Variants in ADGRL2 observed in about 807,000 individuals in gnomAD.
ADGRL2 encodes calcium-independent alpha-latrotoxin receptor 2.
In ADGRL2, 44 loss-of-function variants were observed where a neutral mutation model predicts 157.4. The observed-to-expected ratio is 0.28, with a 90% confidence interval of 0.22 to 0.36. The LOEUF is 0.36. Among genes scored for constraint, ADGRL2 ranks in the 10% least tolerant of loss-of-function variants. The pLI is 1.00. For synonymous variants in ADGRL2, 585 were observed against 624.7 expected, an observed-to-expected ratio of 0.94 and a Z score of 0.95; for missense variants, 1,510 against 1,768.9, an observed-to-expected ratio of 0.85 and a Z score of 2.63.
At chr1:81,648,387 G>A (rs2082352839) in intron 3 of ADGRL2, among the ~76,000 whole-genome samples, 1 of 152,178 alleles carries the variant, frequency 6.6e-6, no homozygotes, top group South Asian at 2.1e-4. Flanking sequence ...GCTCCGGTGT[G>A]CTGCCTTCTG....
chr1:81,958,192 G>A (rs911569725), intron 11 of ADGRL2, among the ~76,000 whole-genome samples: 4 of 152,058 alleles, frequency 2.6e-5, no homozygotes, highest in African/African-American at 9.7e-5. Flanking sequence ...GGGAGGCAGA[G>A]CTTGCAGTGA....
chr1:81,363,699 G>T (rs1443217716), intron 1 of ADGRL2, among the ~76,000 whole-genome samples: 2 of 152,064 alleles, frequency 1.3e-5, no homozygotes, highest in Non-Finnish European at 2.9e-5. Context: ...CATCATAAAA[G>T]ATTGTGTTTT....
chr1:81,983,180 G>A (rs551667944), intron 19 of ADGRL2, among the ~76,000 whole-genome samples: 7 of 151,910 alleles, frequency 4.6e-5, no homozygotes, highest in Non-Finnish European at 7.4e-5. Flanking sequence ...TGTATTAAAT[G>A]GAACAGGAGA....
intron 2 of ADGRL2, among the ~76,000 whole-genome samples, chr1:81,472,528 G>T (rs1034003663): frequency 2.2e-4 from 33 of 152,244 alleles, no homozygotes; most frequent in African/African-American, 7.7e-4. Context: ...CTACTCAGGA[G>T]TCTGAGGCAA....
At chr1:81,706,304 G>A (rs149066462) in intron 1 of ADGRL2, among the ~76,000 whole-genome samples, 152 of 152,256 alleles carry the variant, frequency 1.0e-3, no homozygotes, top group African/African-American at 3.3e-3. Context: ...AAATTGACAG[G>A]GTTTTGCATA....
intron 1 of ADGRL2, among the ~76,000 whole-genome samples, chr1:81,391,783 T>C (rs10747384): frequency 0.59 from 89,063 of 151,968 alleles, 26,589 homozygotes; most frequent in East Asian, 0.94. Context: ...TTCTGGCTTT[T>C]TTTTCTGGAA....
chr1:81,402,101 T>C (rs932241509), intron 1 of ADGRL2, among the ~76,000 whole-genome samples: 3 of 152,112 alleles, frequency 2.0e-5, no homozygotes, highest in African/African-American at 7.2e-5. Context: ...AGCAAATTAG[T>C]CTGTCTTCCT....
intron 2 of ADGRL2, among the ~76,000 whole-genome samples, chr1:81,762,765 A>C (rs2085930587): frequency 6.6e-6 from 1 of 152,120 alleles, no homozygotes; most frequent in Non-Finnish European, 1.5e-5. Flanking sequence ...GAAAAAAGAC[A>C]CAAAAGGCCA....
chr1:81,757,626 A>C (rs180793036), intron 1 of ADGRL2, among the ~76,000 whole-genome samples: 16 of 152,298 alleles, frequency 1.1e-4, no homozygotes, highest in Middle Eastern at 3.4e-3. Flanking sequence ...ACGTGGCTAC[A>C]CTGGAGTCTC....
intron 1 of ADGRL2, among the ~76,000 whole-genome samples, chr1:81,338,374 C>T (rs1322046596): frequency 3.3e-5 from 5 of 151,766 alleles, no homozygotes; most frequent in African/African-American, 1.2e-4. Flanking sequence ...AAAAACAAAA[C>T]AAAACAAAAC....
chr1:81,853,294 G>A (rs2093082393), intron 2 of ADGRL2, among the ~76,000 whole-genome samples: 1 of 152,124 alleles, frequency 6.6e-6, no homozygotes, highest in African/African-American at 2.4e-5. Context: ...TTCCAATCTA[G>A]TTTTTTTAGT....
At chr1:81,946,450 C>G (rs1457046121) in intron 6 of ADGRL2, among the ~76,000 whole-genome samples, 8 of 151,016 alleles carry the variant, frequency 5.3e-5, no homozygotes, top group African/African-American at 1.9e-4. Context: ...TTCTCCCTCT[C>G]TGGAATGGCC....
intron 1 of ADGRL2, among the ~76,000 whole-genome samples, chr1:81,744,991 T>C (rs547808919): frequency 1.1e-4 from 17 of 152,232 alleles, no homozygotes; most frequent in Admixed American, 1.0e-3. Flanking sequence ...ACCAAAGTAC[T>C]CCAGTGCCTC....
At chr1:81,810,275 CT>C (rs1250829308) in intron 1 of ADGRL2, among the ~76,000 whole-genome samples, 4 of 151,982 alleles carry the variant, frequency 2.6e-5, no homozygotes, top group African/African-American at 9.6e-5. Flanking sequence ...TACAATATTT[CT>C]GTTTTATGCA....
At chr1:81,627,176 A>G (rs10493700) in intron 3 of ADGRL2, among the ~76,000 whole-genome samples, 19,176 of 152,130 alleles carry the variant, frequency 0.13, 1,664 homozygotes, top group Non-Finnish European at 0.18. Context: ...TATTTCCATA[A>G]CAAATGCGTG....
chr1:81,633,587 C>T (rs1029256209), intron 3 of ADGRL2, among the ~76,000 whole-genome samples: 5 of 121,132 alleles, frequency 4.1e-5, no homozygotes, highest in South Asian at 5.6e-4. Context: ...CAGAGCAAGA[C>T]TCTGTCTCAA....
At chr1:81,633,212 A>G (rs17106857) in intron 3 of ADGRL2, among the ~76,000 whole-genome samples, 55,100 of 151,934 alleles carry the variant, frequency 0.36, 10,415 homozygotes, top group African/African-American at 0.43. Flanking sequence ...GTGAATGGAT[A>G]AGGTAATCTC....
intron 6 of ADGRL2, among the ~76,000 whole-genome samples, chr1:81,944,397 A>G (rs1040124797): frequency 6.6e-6 from 1 of 152,050 alleles, no homozygotes; most frequent in Non-Finnish European, 1.5e-5. Flanking sequence ...CAGATATGCA[A>G]GCATTGTGTG....
chr1:81,934,796 G>A (rs1015071947), intron 3 of ADGRL2, among the ~76,000 whole-genome samples: 6 of 151,250 alleles, frequency 4.0e-5, no homozygotes, highest in African/African-American at 9.7e-5. Context: ...GTATCTGAAA[G>A]GGATATCTAA....
Sources: gnomAD v4.1 joint callset for allele counts (sites outside exome capture counted in the v4.1 genomes callset) on GRCh38, gnomAD v4.1.1 for gene constraint, MANE v1.5 for transcripts, NCBI Gene and HGNC (gene_info 2026-07-23, HGNC 2026-07-21) for gene names.